Variants in COMMD1 observed in about 807,000 individuals in gnomAD.
COMMD1 encodes the protein COMM domain-containing protein 1.
A neutral mutation model predicts 17.2 loss-of-function variants in COMMD1; 10 were observed. That is an observed-to-expected ratio of 0.58 (90% CI 0.36 to 0.99). The LOEUF is 0.99. Ranked by LOEUF, COMMD1 falls within the 50% of genes least tolerant of loss-of-function variation. COMMD1 has a pLI of 0.01. For missense variants in COMMD1, 270 were observed against 231.8 expected (o/e 1.17, Z -1.07); for synonymous variants, 97 against 91.6 (o/e 1.06, Z -0.34).
At chr2:62,073,170 A>G (rs1420568746) in intron 2 of COMMD1, among the ~76,000 whole-genome samples, 1 of 152,222 alleles carries the variant, frequency 6.6e-6, no homozygotes, top group Non-Finnish European at 1.5e-5. Flanking sequence ...CCACAGTGCT[A>G]ACCTATTGAA....
rs749403795 is a variant in COMMD1 at position 61,920,981 on chromosome 2, A to ATATT, written c.180+15124_180+15125insATTT. On this transcript the variant is annotated intron_variant, in intron 1 of 2. Transcript: ENST00000311832. The stretch of plus-strand genomic sequence containing the variant: ...TATATGTGTGTATATATATATATAT[A>ATATT]TTTTTTTTTTTTTTGAGACAGAGCC... Among the ~76,000 whole-genome samples, 1,353 of 141,364 alleles carry ATATT rather than the reference A, an allele frequency of 9.6e-3. 7 individuals carry two copies. Among genetic ancestry groups the ATATT allele is most frequent in the South Asian group, 0.015 (67 of 4,568 alleles). 92.7% of individuals were successfully genotyped at this position (141,364 alleles called of 152,430 possible). A position where few individuals can be genotyped will look rare whatever the true frequency, so the allele number is the denominator to read the frequency against.
intron 1 of COMMD1, among the ~76,000 whole-genome samples, chr2:61,954,744 C>T (rs552894016): frequency 6.6e-6 from 1 of 152,098 alleles, no homozygotes; most frequent in African/African-American, 2.4e-5. Flanking sequence ...TGCAATGGCA[C>T]GATCTTGGCT....
At chr2:61,912,967 T>C (rs1267075542) in intron 1 of COMMD1, among the ~76,000 whole-genome samples, 1 of 152,142 alleles carries the variant, frequency 6.6e-6, no homozygotes, top group Non-Finnish European at 1.5e-5. Context: ...AGTGAGAAGA[T>C]TGCTTGAGCC....
At chr2:61,889,268 G>C (rs1434667931) in intron 1 of COMMD1, among the ~76,000 whole-genome samples, 1 of 145,244 alleles carries the variant, frequency 6.9e-6, no homozygotes, top group Non-Finnish European at 1.5e-5. Flanking sequence ...GTGCAGTGGG[G>C]CGATCTTGGC....
At chr2:62,021,517 G>A (rs1319109149) in intron 2 of COMMD1, among the ~76,000 whole-genome samples, 1 of 152,082 alleles carries the variant, frequency 6.6e-6, no homozygotes, top group Non-Finnish European at 1.5e-5. Flanking sequence ...AAGACAGATT[G>A]GAGAAATGGA....
At chr2:61,953,874 A>C (rs960150754) in intron 1 of COMMD1, among the ~76,000 whole-genome samples, 2 of 152,150 alleles carry the variant, frequency 1.3e-5, no homozygotes, top group Admixed American at 1.3e-4. Flanking sequence ...GTATCATTAT[A>C]GTTTTAATTT....
At chr2:62,078,314 G>T (rs2103973284) in intron 2 of COMMD1, among the ~76,000 whole-genome samples, 1 of 151,442 alleles carries the variant, frequency 6.6e-6, no homozygotes. Context: ...AGCACTTTGG[G>T]AGGCCGAGGT....
At chr2:62,060,982 T>A (rs1302016899) in intron 2 of COMMD1, among the ~76,000 whole-genome samples, 1 of 152,156 alleles carries the variant, frequency 6.6e-6, no homozygotes, top group Non-Finnish European at 1.5e-5. Context: ...TCATCTCCAA[T>A]CTGCTGTTTT....
chr2:61,964,274 G>A (rs1671448125), intron 1 of COMMD1, among the ~76,000 whole-genome samples: 2 of 152,094 alleles, frequency 1.3e-5, no homozygotes, highest in Admixed American at 1.3e-4. Flanking sequence ...AGGCTGGAGT[G>A]CAATGGTGTG....
intron 2 of COMMD1, among the ~76,000 whole-genome samples, chr2:62,063,988 A>G (rs1032397854): frequency 6.7e-6 from 1 of 148,570 alleles, no homozygotes; most frequent in Non-Finnish European, 1.5e-5. Flanking sequence ...TTGAGGCTGA[A>G]GTGAGTGGTG....
chr2:62,011,438 C>G (rs1276682829), intron 2 of COMMD1, among the ~76,000 whole-genome samples: 1 of 152,156 alleles, frequency 6.6e-6, no homozygotes, highest in Non-Finnish European at 1.5e-5. Context: ...CTTATTACTA[C>G]CTAGCATGCT....
chr2:62,088,893 T>C (rs559911586), intron 2 of COMMD1, among the ~76,000 whole-genome samples: 15 of 152,328 alleles, frequency 9.8e-5, no homozygotes, highest in Admixed American at 2.6e-4. Context: ...CAAATACATT[T>C]AAGAAATACA....
chr2:61,915,491 A>T (rs1670024874), intron 1 of COMMD1, among the ~76,000 whole-genome samples: 1 of 151,766 alleles, frequency 6.6e-6, no homozygotes. Flanking sequence ...TTAAAAATTG[A>T]TTAAAAATTT....
At chr2:61,996,770 T>G (rs1247359845) in intron 1 of COMMD1, among the ~76,000 whole-genome samples, 3 of 152,232 alleles carry the variant, frequency 2.0e-5, no homozygotes, top group Non-Finnish European at 4.4e-5. Context: ...CAATCACATC[T>G]TCAGATTTCA....
chr2:61,900,965 T>C (rs1392057436), upstream of COMMD1, among the ~76,000 whole-genome samples: 1 of 152,154 alleles, frequency 6.6e-6, no homozygotes, highest in Non-Finnish European at 1.5e-5. Context: ...ATTTTTATTT[T>C]TGAGACAGTC....
At chr2:62,001,734 C>A (rs895671352) in intron 2 of COMMD1, among the ~76,000 whole-genome samples, 3 of 152,108 alleles carry the variant, frequency 2.0e-5, no homozygotes, top group Admixed American at 2.0e-4. Flanking sequence ...TCTATTATAT[C>A]CTACAATAGA....
chr2:61,960,502 A>G (rs1227532786), intron 1 of COMMD1, among the ~76,000 whole-genome samples: 1 of 152,206 alleles, frequency 6.6e-6, no homozygotes, highest in African/African-American at 2.4e-5. Context: ...CTCTTTTACC[A>G]GTTTGAAATG....
At chr2:62,026,579 A>G (rs894749558) in intron 2 of COMMD1, among the ~76,000 whole-genome samples, 6 of 152,230 alleles carry the variant, frequency 3.9e-5, no homozygotes, top group African/African-American at 1.4e-4. Context: ...CTGTGTGATT[A>G]GTAATCTCTC....
chr2:62,054,258 C>A (rs1670624269), intron 2 of COMMD1, among the ~76,000 whole-genome samples: 1 of 152,100 alleles, frequency 6.6e-6, no homozygotes, highest in Non-Finnish European at 1.5e-5. Context: ...ATTAGCACAT[C>A]CTTGGAGATA....
Sources: allele counts gnomAD v4.1 joint callset (sites outside exome capture counted in the v4.1 genomes callset), GRCh38; gene constraint gnomAD v4.1.1; transcripts MANE v1.5; gene names NCBI Gene and HGNC (gene_info 2026-07-23, HGNC 2026-07-21).